The following TRMT9B variants were observed in gnomAD, a reference collection of about 807,000 sequenced individuals.
The protein encoded by TRMT9B is tRNA methyltransferase 9B (putative), also known as probable tRNA methyltransferase 9B.
Under a neutral mutation model 11.5 loss-of-function variants are expected in TRMT9B, and 16 were observed. That is an observed-to-expected ratio of 1.39 (90% CI 0.94 to 2.11). TRMT9B has a LOEUF of 2.11. Among genes scored for constraint, TRMT9B ranks in the 30% most tolerant of loss-of-function variants. The pLI, the probability that TRMT9B is intolerant of heterozygous loss-of-function variation, is 0.00. For missense variants in TRMT9B, 941 were observed against 553.8 expected (o/e 1.70, Z -7.02); for synonymous variants, 274 against 192.4 (o/e 1.42, Z -3.51).
intron 1 of TRMT9B, among the ~76,000 whole-genome samples, chr8:12,979,595 G>A (rs1805029119): frequency 6.6e-6 from 1 of 152,164 alleles, no homozygotes; most frequent in Non-Finnish European, 1.5e-5. Context: ...TGAGAACGAT[G>A]TTAACTCCCA....
chr8:12,962,571 AC>A (rs1437388458), intron 1 of TRMT9B, among the ~76,000 whole-genome samples: 1 of 151,918 alleles, frequency 6.6e-6, no homozygotes, highest in Non-Finnish European at 1.5e-5. Context: ...GCTCACTGCA[AC>A]CTCTGCCTCC....
intron 1 of TRMT9B, among the ~76,000 whole-genome samples, chr8:12,980,918 A>G (rs1805263642): frequency 1.3e-5 from 2 of 152,174 alleles, no homozygotes; most frequent in Admixed American, 1.3e-4. Context: ...GGAAGTCACT[A>G]TGCGAATTCT....
chr8:13,011,940 T>G (rs775130054), intron 3 of TRMT9B: 14 of 985,272 alleles, frequency 1.4e-5, no homozygotes, highest in African/African-American at 1.7e-5. Flanking sequence ...TTGTTTGTTT[T>G]GCAGTCAGCA....
intron 1 of TRMT9B, among the ~76,000 whole-genome samples, chr8:12,985,530 A>G (rs1585209575): frequency 1.3e-5 from 2 of 152,292 alleles, no homozygotes; most frequent in Middle Eastern, 6.8e-3. Flanking sequence ...TGCTTACCCC[A>G]GGCTGTGCTT....
At chr8:12,951,318 T>C (rs1800584322) in intron 1 of TRMT9B, 2 of 152,276 alleles carry the variant, frequency 1.3e-5, no homozygotes, top group African/African-American at 4.8e-5. Flanking sequence ...TCCGCTGAAG[T>C]CCGGGGCTGT....
intron 3 of TRMT9B, chr8:13,010,257 C>T (rs1811351604): frequency 1.1e-6 from 1 of 888,916 alleles, no homozygotes; most frequent in Non-Finnish European, 1.3e-6. Flanking sequence ...GTACTATATA[C>T]ATTTTTTAAA....
chr8:12,966,714 A>G (rs1048246904), intron 1 of TRMT9B, among the ~76,000 whole-genome samples: 1 of 152,182 alleles, frequency 6.6e-6, no homozygotes, highest in Non-Finnish European at 1.5e-5. Context: ...GTATGAGAGT[A>G]AGAACTGGAT....
At chr8:13,006,477 C>T in intron 3 of TRMT9B, 121 bp downstream of exon 3, 1 of 1,557,400 alleles carries the variant, frequency 6.4e-7, no homozygotes, top group South Asian at 1.2e-5. Flanking sequence ...TCATAGGTAA[C>T]CCAGCACTGG....
In TRMT9B at chr8:12,982,926, G is replaced by T. The variant is rs934721708; in HGVS notation, c.-199-7908G>T. On this transcript the variant is annotated intron_variant, in intron 1 of 4. Transcript: ENST00000524591. ...TTCGGATGCTATCTATGTTTTCCTC[G>T]CATGCCCAGATTTCCCCATGCGAGC... 2.2e-4 allele frequency among the ~76,000 whole-genome samples: 33 copies of T among 152,094 alleles called. 2 individuals carry two copies. The highest frequency in any genetic ancestry group is 2.1e-3 in the Admixed American group (32 of 15,270).
Position 13,021,515 on chromosome 8 carries a change from G to T in TRMT9B, c.836G>T (p.Ser279Ile), listed in dbSNP as rs749844314. 3.7e-6 allele frequency: 6 copies of T among 1,613,784 alleles called. No individual in the cohort carries two copies. The highest frequency in any genetic ancestry group is 5.1e-6 in the Non-Finnish European group (6 of 1,179,682). ...TTGAAAAACACAGAAGTTTGGGCCA[G>T]TAGCACTGTAACAGTCCAGCCTTCC... is the stretch of plus-strand genomic sequence containing the variant. ...RPLKNTEVWA[S>I]STVTVQPSRH... The change falls in exon 5 of 5, where the codon AGT becomes ATT. Residue 279 changes from serine (S) to isoleucine (I), a missense_variant. By Grantham distance (142) the Ser-to-Ile change is moderately radical (BLOSUM62 -2). Transcript: ENST00000524591.
intron 1 of TRMT9B, chr8:12,951,361 C>G (rs1183721574): frequency 6.6e-6 from 1 of 152,306 alleles, no homozygotes; most frequent in Non-Finnish European, 1.5e-5. Context: ...GCGCTAAAGC[C>G]AAGCGTCGTC....
intron 2 of TRMT9B, among the ~76,000 whole-genome samples, chr8:12,997,209 G>A (rs1214520204): frequency 6.6e-6 from 1 of 151,984 alleles, no homozygotes; most frequent in Admixed American, 6.6e-5. Flanking sequence ...ATGTGTTCGG[G>A]TTATGGTGGT....
chr8:12,975,153 G>A (rs1804244528), intron 1 of TRMT9B, among the ~76,000 whole-genome samples: 1 of 151,914 alleles, frequency 6.6e-6, no homozygotes, highest in Middle Eastern at 3.2e-3. Context: ...TTCCATGTAC[G>A]GCTAGGAGGG....
chr8:12,957,487 A>C (rs2977082), intron 1 of TRMT9B, among the ~76,000 whole-genome samples: 6,195 of 152,214 alleles, frequency 0.041, 423 homozygotes, highest in African/African-American at 0.14. Context: ...ATACAGGTAC[A>C]TTCTCAATGT....
intron 2 of TRMT9B, among the ~76,000 whole-genome samples, chr8:13,000,121 G>A (rs1428014715): frequency 3.3e-5 from 5 of 152,288 alleles, no homozygotes; most frequent in South Asian, 2.1e-4. Flanking sequence ...GACCCAGGCT[G>A]ATGCCTCCAG....
At chr8:13,014,190 A>G (rs777747500) in intron 4 of TRMT9B, among the ~76,000 whole-genome samples, 9 of 152,198 alleles carry the variant, frequency 5.9e-5, no homozygotes, top group Non-Finnish European at 1.2e-4. Context: ...GATGGTTGCT[A>G]TGGAAACTTG....
chr8:13,021,949 C>T lies in TRMT9B; in HGVS notation c.1270C>T (p.Leu424Phe), dbSNP rs1285121545. 7 of 1,613,740 alleles carry T rather than the reference C, an allele frequency of 4.3e-6. No individual in the cohort carries two copies. Among genetic ancestry groups the T allele is most frequent in the Non-Finnish European group, 5.9e-6 (7 of 1,179,856 alleles). The stretch of plus-strand genomic sequence containing the variant: ...TCGAGAAGGGGAGCTCTGCAGTCTG[C>T]TCAAGGAGAATGTGTCAGAGCTCCG... ...VFREGELCSL[L>F]KENVSELRIL... The change falls in exon 5 of 5, where the codon CTC becomes TTC. Residue 424 changes from leucine to phenylalanine, a missense_variant. Leu to Phe is a conservative substitution (Grantham distance 22, BLOSUM62 0). Coordinates refer to ENST00000524591, the MANE Select transcript of TRMT9B (RefSeq NM_020844.3).
chr8:13,006,092 C>A, intron 2 of TRMT9B, 110 bp from the exon 3 acceptor site: 3 of 969,832 alleles, frequency 3.1e-6, no homozygotes, highest in South Asian at 1.7e-5. Context: ...GTGCAAACAG[C>A]ATGAGTTTGC....
At chr8:13,003,921 G>C (rs193160641) in intron 2 of TRMT9B, among the ~76,000 whole-genome samples, 12 of 151,152 alleles carry the variant, frequency 7.9e-5, no homozygotes, top group Non-Finnish European at 1.8e-4. Flanking sequence ...AGACAGTCTT[G>C]ATATGCCCAT....
Sources: gnomAD v4.1 joint callset for allele counts (sites outside exome capture counted in the v4.1 genomes callset) on GRCh38, gnomAD v4.1.1 for gene constraint, MANE v1.5 for transcripts, NCBI Gene and HGNC (gene_info 2026-07-23, HGNC 2026-07-21) for gene names.